The following NCOA2 variants were observed in gnomAD, a reference collection of about 807,000 sequenced individuals.
The protein encoded by NCOA2 is nuclear receptor coactivator 2, also known as class E basic helix-loop-helix protein 75.
NCOA2 carries 21 observed loss-of-function variants against 145.1 expected under a neutral mutation model. The observed-to-expected ratio is 0.14, with a 90% confidence interval of 0.10 to 0.21. The LOEUF is 0.21. Ranked by LOEUF, NCOA2 falls within the 10% of genes least tolerant of loss-of-function variation. The pLI, the probability that NCOA2 is intolerant of heterozygous loss-of-function variation, is 1.00. For missense variants in NCOA2, 1,472 were observed against 1,837.6 expected (o/e 0.80, Z 3.64); for synonymous variants, 619 against 637.5 (o/e 0.97, Z 0.44).
chr8:70,129,032 A>C lies in NCOA2; in HGVS notation c.3325-52T>G, dbSNP rs914504323. ...CAAATAATTAAACCATAAAAACAGC[A>C]GAGTCAATATAAGGCTGTTTTCTCT... is the stretch of plus-strand genomic sequence containing the variant. On this transcript the variant is annotated intron_variant, in intron 16 of 22. Transcript: ENST00000452400. 28 of 1,515,444 alleles carry C rather than the reference A, an allele frequency of 1.8e-5. No individual in the cohort carries two copies. The African/African-American group carries it at 3.3e-4, about 18-fold the overall frequency. The allele number at this position is 1,515,444 out of a possible 1,614,324, so 93.9% of individuals were successfully genotyped here.
At chr8:70,166,810 C>T (rs990522190) in intron 6 of NCOA2, 56 bp from the exon 7 acceptor site, 3 of 1,454,872 alleles carry the variant, frequency 2.1e-6, no homozygotes, top group African/African-American at 1.4e-5. Context: ...AGATTCATTG[C>T]CTCTGAATTA....
At position 70,287,028 on chromosome 8, in the gene NCOA2, A is replaced by C. The variant is rs2135564824; in HGVS notation, c.-20+9716T>G. ...GAGGCAGAGATGGGCGGATCACTTGAGCCCGGGAGTTAGAGACTAGCCTGG... is the reference window on the plus strand; with the variant it reads ...GAGGCAGAGATGGGCGGATCACTTGCGCCCGGGAGTTAGAGACTAGCCTGG... On this transcript the variant is annotated intron_variant, in intron 2 of 22. Transcript: ENST00000452400. Among the ~76,000 whole-genome samples, 4 of 152,242 alleles carry C rather than the reference A, an allele frequency of 2.6e-5. 1 individual carries two copies. In the Middle Eastern group the frequency reaches 0.01, roughly 388 times the overall value.
chr8:70,347,673 A>T (rs1052527296), intron 1 of NCOA2, among the ~76,000 whole-genome samples: 1 of 152,006 alleles, frequency 6.6e-6, no homozygotes, highest in African/African-American at 2.4e-5. Context: ...AAATTTTTAG[A>T]TATCCAGAAC....
intron 4 of NCOA2, among the ~76,000 whole-genome samples, chr8:70,212,099 A>G (rs922150714): frequency 1.4e-4 from 21 of 146,748 alleles, no homozygotes; most frequent in Admixed American, 4.0e-4. Context: ...ATATATATAT[A>G]TTTGTTTTGA....
At chr8:70,173,073 T>C (rs1814433399) in intron 5 of NCOA2, among the ~76,000 whole-genome samples, 1 of 152,208 alleles carries the variant, frequency 6.6e-6, no homozygotes, top group Admixed American at 6.5e-5. Context: ...GAATAACCTC[T>C]CTAACACATT....
chr8:70,246,541 A>G (rs1384993014), intron 2 of NCOA2, among the ~76,000 whole-genome samples: 1 of 152,136 alleles, frequency 6.6e-6, no homozygotes, highest in African/African-American at 2.4e-5. Context: ...TATTTTTAAT[A>G]TATATATTTT....
At chr8:70,371,817 A>G (rs900676082) in intron 1 of NCOA2, among the ~76,000 whole-genome samples, 1 of 152,196 alleles carries the variant, frequency 6.6e-6, no homozygotes, top group Admixed American at 6.5e-5. Context: ...ATTTCTTATC[A>G]CTTCTAGCCT....
chr8:70,345,383 C>A (rs1248553626), intron 1 of NCOA2, among the ~76,000 whole-genome samples: 7 of 152,190 alleles, frequency 4.6e-5, no homozygotes, highest in Admixed American at 4.6e-4. Flanking sequence ...GGATTAACAG[C>A]ACATCCACTC....
At chr8:70,292,447 G>A (rs1487591346) in intron 2 of NCOA2, among the ~76,000 whole-genome samples, 1 of 151,480 alleles carries the variant, frequency 6.6e-6, no homozygotes, top group Non-Finnish European at 1.5e-5. Flanking sequence ...ACCGCACCCA[G>A]CCCTGAGGCA....
chr8:70,161,717 A>G (rs114770792), intron 9 of NCOA2, among the ~76,000 whole-genome samples: 1,814 of 152,286 alleles, frequency 0.012, 48 homozygotes, highest in African/African-American at 0.042. Context: ...GCAAGGATGC[A>G]GACAACTGTT....
At chr8:70,161,530 GA>G (rs1200613657) in intron 9 of NCOA2, among the ~76,000 whole-genome samples, 2 of 151,934 alleles carry the variant, frequency 1.3e-5, no homozygotes, top group Admixed American at 6.6e-5. Flanking sequence ...AAGATGAGGG[GA>G]AAAAAAGGGC....
chr8:70,128,983 GGAGA>G lies in NCOA2; in HGVS notation c.3325-7_3325-4del, dbSNP rs1203802469. ...TGTTCTGGATCTACTGCTTGGCTCT[GGAGA>G]GAAAGTCCCAAATAACAAACAAATA... On this transcript the variant is annotated splice_polypyrimidine_tract_variant and splice_region_variant and intron_variant, in intron 16 of 22. Coordinates refer to ENST00000452400, the MANE Select transcript of NCOA2 (RefSeq NM_006540.4). The G allele has an allele frequency of 6.3e-7, 1 of 1,590,848 alleles. No individual in the cohort carries two copies. Among genetic ancestry groups the G allele is most frequent in the Non-Finnish European group, 8.6e-7 (1 of 1,167,366 alleles).
rs1391894743 is a variant in NCOA2 at position 70,171,416 on chromosome 8, C to T, written c.364-1037G>A. On this transcript the variant is annotated intron_variant, in intron 5 of 22. Transcript: ENST00000452400. ...CTCATGCTTTGATGACCATTCAGTA[C>T]AGTCCTCTACTCTAATATTCATTCA... Among the ~76,000 whole-genome samples, 2 of 152,210 alleles carry T rather than the reference C, an allele frequency of 1.3e-5. 1 individual carries two copies. The highest frequency in any genetic ancestry group is 4.1e-4 in the South Asian group (2 of 4,832).
chr8:70,183,318 A>C (rs1377720819), intron 4 of NCOA2, among the ~76,000 whole-genome samples: 1 of 152,226 alleles, frequency 6.6e-6, no homozygotes, highest in Non-Finnish European at 1.5e-5. Flanking sequence ...CCAAATTATA[A>C]AAAAGTTCTA....
chr8:70,331,103 A>G (rs891026330), intron 1 of NCOA2, among the ~76,000 whole-genome samples: 1 of 151,082 alleles, frequency 6.6e-6, no homozygotes, highest in Admixed American at 6.6e-5. Context: ...GCTTTTAATT[A>G]AAAAAAAAGC....
chr8:70,367,553 A>G (rs1412232333), intron 1 of NCOA2, among the ~76,000 whole-genome samples: 1 of 152,230 alleles, frequency 6.6e-6, no homozygotes, highest in African/African-American at 2.4e-5. Flanking sequence ...ACCAATAATC[A>G]CAGTACTCCA....
At chr8:70,163,145 C>A (rs746371316) in intron 8 of NCOA2, among the ~76,000 whole-genome samples, 1 of 152,026 alleles carries the variant, frequency 6.6e-6, no homozygotes, top group Non-Finnish European at 1.5e-5. Flanking sequence ...GAACTCCTGA[C>A]CTCAAGTGAT....
chr8:70,451,233 A>ATATATATATATATATATATATATATAT, the NCOA2 span, among the ~76,000 whole-genome samples: 1 of 85,732 alleles, frequency 1.2e-5, no homozygotes, highest in African/African-American at 4.4e-5. Context: ...AAAAAAAAAA[A>ATATATATATATATATATATATATATAT]AAAAATATAT....
intron 1 of NCOA2, among the ~76,000 whole-genome samples, chr8:70,363,239 C>T (rs1262412259): frequency 6.6e-6 from 1 of 151,706 alleles, no homozygotes; most frequent in Non-Finnish European, 1.5e-5. Flanking sequence ...TAAAATTAGC[C>T]GGACGTGGTG....
Sources: gnomAD v4.1 joint callset for allele counts (sites outside exome capture counted in the v4.1 genomes callset) on GRCh38, gnomAD v4.1.1 for gene constraint, MANE v1.5 for transcripts, NCBI Gene and HGNC (gene_info 2026-07-23, HGNC 2026-07-21) for gene names.